ADAMTS20: variants seen among roughly 807,000 people sequenced by gnomAD.
ADAMTS20 encodes the protein A disintegrin and metalloproteinase with thrombospondin motifs 20.
ADAMTS20 carries 225 observed loss-of-function variants against 260.1 expected under a neutral mutation model. That is an observed-to-expected ratio of 0.87 (90% CI 0.78 to 0.97). The LOEUF is 0.97. Ranked by LOEUF, ADAMTS20 falls within the 50% of genes least tolerant of loss-of-function variation. ADAMTS20 has a pLI of 0.00. For missense variants in ADAMTS20, 2,400 were observed against 2,337.7 expected (o/e 1.03, Z -0.55); for synonymous variants, 802 against 769.5 (o/e 1.04, Z -0.70).
Position 43,383,789 on chromosome 12 carries a change from C to T in ADAMTS20, c.4626+15G>A. The T allele has an allele frequency of 6.2e-7, 1 of 1,613,380 alleles. No homozygotes were observed. The highest frequency in any genetic ancestry group is 8.5e-7 in the Non-Finnish European group (1 of 1,179,480). On this transcript the variant is annotated intron_variant, in intron 30 of 38. Transcript: ENST00000389420. ...TATATGCAGTGTCTTTGAAAATTTA[C>T]ATGTCGATACTCACATTCAGCCTCC...
chr12:43,515,695 A>T (rs1942990930), intron 3 of ADAMTS20, among the ~76,000 whole-genome samples: 1 of 152,224 alleles, frequency 6.6e-6, no homozygotes, highest in Non-Finnish European at 1.5e-5. Context: ...AATGTTAGAA[A>T]CAAAAATTCT....
intron 3 of ADAMTS20, among the ~76,000 whole-genome samples, chr12:43,517,741 A>T (rs940111201): frequency 2.0e-5 from 3 of 152,080 alleles, no homozygotes; most frequent in Admixed American, 2.0e-4. Context: ...CTTGAAGAAG[A>T]ATGAAGTCAA....
At chr12:43,469,889 A>G (rs1942221273) in intron 7 of ADAMTS20, among the ~76,000 whole-genome samples, 1 of 152,200 alleles carries the variant, frequency 6.6e-6, no homozygotes, top group African/African-American at 2.4e-5. Context: ...CCAAAAGATG[A>G]AGAAGTTCAT....
At chr12:43,478,192 C>T (rs1942388590) in intron 7 of ADAMTS20, among the ~76,000 whole-genome samples, 1 of 151,618 alleles carries the variant, frequency 6.6e-6, no homozygotes, top group Non-Finnish European at 1.5e-5. Context: ...ACAAAACGAA[C>T]AGGTAGATTT....
intron 37 of ADAMTS20, among the ~76,000 whole-genome samples, chr12:43,357,899 C>T (rs544037557): frequency 6.1e-4 from 93 of 152,172 alleles, no homozygotes; most frequent in Non-Finnish European, 1.1e-3. Flanking sequence ...CAGACAAAGT[C>T]GTATTTTATG....
rs1441877557 is a variant in ADAMTS20, at chr12:43,493,151, T to C, written c.951+19A>G. ...AACTTACTACAACTAAGGTTACTAA[T>C]TTTAGACCTGTTTCTTACCTCCTCA... is the stretch of plus-strand genomic sequence containing the variant. On this transcript the variant is annotated intron_variant, in intron 5 of 38. Coordinates refer to ENST00000389420, the MANE Select transcript of ADAMTS20 (RefSeq NM_025003.5). 2 of 1,516,342 alleles carry C rather than the reference T, an allele frequency of 1.3e-6. No homozygotes were observed. The highest frequency in any genetic ancestry group is 9.0e-7 in the Non-Finnish European group (1 of 1,115,002). The allele number at this position is 1,516,342 out of a possible 1,614,324, so 93.9% of individuals were successfully genotyped here.
intron 18 of ADAMTS20, among the ~76,000 whole-genome samples, chr12:43,438,827 C>A (rs1338319957): frequency 6.6e-6 from 1 of 152,196 alleles, no homozygotes; most frequent in East Asian, 1.9e-4. Context: ...TCTTCAGCTT[C>A]AGTCTCCTCA....
intron 7 of ADAMTS20, among the ~76,000 whole-genome samples, chr12:43,488,034 A>T: frequency 6.6e-6 from 1 of 152,042 alleles, no homozygotes; most frequent in South Asian, 2.1e-4. Context: ...GTAATTTCAC[A>T]GTGAACTTCA....
chr12:43,469,380 G>T (rs1187239198), intron 7 of ADAMTS20, among the ~76,000 whole-genome samples: 2 of 152,092 alleles, frequency 1.3e-5, no homozygotes, highest in Non-Finnish European at 2.9e-5. Context: ...GTTGAAAGAT[G>T]AAGGTATGAA....
intron 38 of ADAMTS20, 63 bp from the exon 39 acceptor site, chr12:43,354,361 C>A: frequency 1.6e-6 from 2 of 1,217,562 alleles, no homozygotes; most frequent in Non-Finnish European, 2.3e-6. Context: ...ATGCAAATAG[C>A]AGAAAAAGCA....
chr12:43,446,583 T>A lies in ADAMTS20; in HGVS notation c.2197+12A>T, dbSNP rs771900111. 6.2e-7 allele frequency: 1 copy of A among 1,602,200 alleles called. No homozygotes were observed. The highest frequency in any genetic ancestry group is 8.5e-7 in the Non-Finnish European group (1 of 1,169,964). On this transcript the variant is annotated intron_variant, in intron 15 of 38. Transcript: ENST00000389420. ...AATAAAAGCGAAATCTAGAAACAAA[T>A]ACACAACTTACCATAATGAGAACTG...
At chr12:43,383,441 G>A (rs1324827171) in intron 31 of ADAMTS20, 117 bp downstream of exon 31, 2 of 963,452 alleles carry the variant, frequency 2.1e-6, no homozygotes, top group Non-Finnish European at 3.0e-6. Flanking sequence ...AGATTGATAT[G>A]CATACCATCA....
intron 29 of ADAMTS20, among the ~76,000 whole-genome samples, chr12:43,393,641 C>G (rs953792858): frequency 3.3e-5 from 5 of 151,798 alleles, no homozygotes; most frequent in African/African-American, 9.7e-5. Flanking sequence ...TCTTTTGAAG[C>G]CTTGTTTATA....
intron 11 of ADAMTS20, among the ~76,000 whole-genome samples, chr12:43,460,767 A>G (rs1460731238): frequency 6.6e-6 from 1 of 151,878 alleles, no homozygotes; most frequent in East Asian, 1.9e-4. Flanking sequence ...CTGCTAATGC[A>G]CACAATAATA....
Position 43,431,366 on chromosome 12 carries a change from G to C in ADAMTS20, c.3227C>G (p.Thr1076Arg), listed in dbSNP as rs761083275. Residue 1076 changes from threonine to arginine, a missense_variant, in exon 22 of 39, where the codon ACA becomes AGA. Physicochemically the swap from Thr to Arg is moderately conservative, Grantham distance 71. Coordinates refer to ENST00000389420, the MANE Select transcript of ADAMTS20 (RefSeq NM_025003.5). ...PESLSPCELH[T>R]CASWQVGPWG... ...TGGTCCTACTTGCCAGGAAGCACAT[G>C]TATGAAGTTCACATGGACTCAGAGA... The C allele has an allele frequency of 4.3e-6, 7 of 1,613,944 alleles. No homozygotes were observed. In the Admixed American group the frequency reaches 1.2e-4, roughly 27 times the overall value.
intron 3 of ADAMTS20, among the ~76,000 whole-genome samples, chr12:43,509,206 G>A (rs893593990): frequency 1.3e-5 from 2 of 152,004 alleles, no homozygotes; most frequent in African/African-American, 2.4e-5. Context: ...ATAGTGCCGC[G>A]ATGAATATAT....
intron 9 of ADAMTS20, among the ~76,000 whole-genome samples, chr12:43,465,619 T>G (rs1283218051): frequency 6.6e-6 from 1 of 152,056 alleles, no homozygotes; most frequent in Non-Finnish European, 1.5e-5. Flanking sequence ...ATTTTCCAAT[T>G]AAATGAACAT....
chr12:43,520,723 T>C (rs1032169744), intron 3 of ADAMTS20, among the ~76,000 whole-genome samples: 1 of 152,196 alleles, frequency 6.6e-6, no homozygotes, highest in Non-Finnish European at 1.5e-5. Flanking sequence ...TAAAACACCA[T>C]TAACAAGTTA....
chr12:43,452,929 C>T (rs1025855472), intron 12 of ADAMTS20, among the ~76,000 whole-genome samples: 3 of 152,100 alleles, frequency 2.0e-5, no homozygotes, highest in African/African-American at 7.2e-5. Context: ...TTATTCTTGA[C>T]TAGGTTAACT....
Sources: allele counts gnomAD v4.1 joint callset (sites outside exome capture counted in the v4.1 genomes callset), GRCh38; gene constraint gnomAD v4.1.1; transcripts MANE v1.5; gene names NCBI Gene and HGNC (gene_info 2026-07-23, HGNC 2026-07-21).